The following TLN2 variants were observed in gnomAD, a reference collection of about 807,000 sequenced individuals.
The protein encoded by TLN2 is talin-2.
Under a neutral mutation model 294.7 loss-of-function variants are expected in TLN2, and 118 were observed. The observed-to-expected ratio is 0.40, with a 90% CI of 0.34 to 0.47. The LOEUF (loss-of-function observed/expected upper bound fraction) is 0.47, where lower values mean the gene tolerates loss of function less well. Ranked by LOEUF, TLN2 falls within the 20% of genes least tolerant of loss-of-function variation. The pLI, the probability that TLN2 is intolerant of heterozygous loss-of-function variation, is 0.84. For synonymous variants in TLN2, 1,431 were observed against 1,304.5 expected, an observed-to-expected ratio of 1.10 and a Z score of -2.09; for missense variants, 3,083 against 3,282.2, an observed-to-expected ratio of 0.94 and a Z score of 1.48.
chr15:62,789,125 G>C (rs2064901351), intron 45 of TLN2, among the ~76,000 whole-genome samples: 1 of 152,164 alleles, frequency 6.6e-6, no homozygotes, highest in Non-Finnish European at 1.5e-5. Flanking sequence ...GCCTGTTTCA[G>C]CTTGTCCTTG....
chr15:62,486,015 TA>T (rs34488115), intron 1 of TLN2, among the ~76,000 whole-genome samples: 19,307 of 150,678 alleles, frequency 0.13, 1,615 homozygotes, highest in African/African-American at 0.23. Flanking sequence ...AGAAAAGTTG[TA>T]AAAAAAAAAT....
chr15:62,740,486 G>C lies in TLN2; in HGVS notation c.3886-144G>C, dbSNP rs1302035322. Reference sequence around the variant, plus strand: ...TAGACACTGGTCAGTGTCTCAACGAGTTAGGCATCTGCGGGCTAACTGGGT... The same window carrying C: ...TAGACACTGGTCAGTGTCTCAACGACTTAGGCATCTGCGGGCTAACTGGGT... On this transcript the variant is annotated intron_variant, in intron 31 of 58. Coordinates refer to ENST00000636159, the MANE Select transcript of TLN2 (RefSeq NM_015059.3). 8.0e-6 allele frequency: 8 copies of C among 999,550 alleles called. No homozygotes were observed. The Admixed American group carries it at 1.3e-4, about 16-fold the overall frequency. 61.9% of individuals were successfully genotyped at this position (999,550 alleles called of 1,614,324 possible).
At chr15:62,465,229 T>G (rs1203894973) in intron 1 of TLN2, among the ~76,000 whole-genome samples, 3 of 151,586 alleles carry the variant, frequency 2.0e-5, no homozygotes, top group Non-Finnish European at 4.4e-5. Flanking sequence ...AAGATTCCTC[T>G]GGTTCTCTCT....
intron 41 of TLN2, among the ~76,000 whole-genome samples, chr15:62,766,863 T>C (rs772516392): frequency 1.3e-5 from 2 of 152,200 alleles, no homozygotes; most frequent in Non-Finnish European, 2.9e-5. Context: ...TTAGACATAA[T>C]GAGGCAAAGC....
chr15:62,409,431 G>T (rs2140250588), intron 1 of TLN2, among the ~76,000 whole-genome samples: 1 of 152,190 alleles, frequency 6.6e-6, no homozygotes, highest in East Asian at 1.9e-4. Context: ...TTTTTTTCTG[G>T]CTGTTGCAGG....
chr15:62,436,698 G>T (rs957947648), intron 1 of TLN2, among the ~76,000 whole-genome samples: 1 of 152,154 alleles, frequency 6.6e-6, no homozygotes, highest in African/African-American at 2.4e-5. Flanking sequence ...TTGGTTATTT[G>T]CTCCATGATT....
chr15:62,536,001 A>T (rs372260873), intron 1 of TLN2, among the ~76,000 whole-genome samples: 8 of 152,302 alleles, frequency 5.3e-5, no homozygotes, highest in East Asian at 3.9e-4. Flanking sequence ...GTACTTTTGG[A>T]GTTTTGCTCC....
intron 1 of TLN2, among the ~76,000 whole-genome samples, chr15:62,487,521 T>C (rs1382276093): frequency 3.9e-5 from 6 of 152,156 alleles, no homozygotes; most frequent in Admixed American, 3.9e-4. Context: ...AGACCTATTG[T>C]TCCCACTTGT....
chr15:62,701,888 C>G, intron 17 of TLN2, 104 bp from the exon 18 acceptor site: 2 of 1,307,488 alleles, frequency 1.5e-6, no homozygotes, highest in Non-Finnish European at 2.1e-6. Flanking sequence ...GTGTCTGACT[C>G]CTGCAGGATG....
intron 54 of TLN2, chr15:62,830,721 G>A (rs1483269879): frequency 6.6e-6 from 1 of 152,138 alleles, no homozygotes; most frequent in Non-Finnish European, 1.5e-5. Flanking sequence ...CATAAACCTG[G>A]CATACAGGAA....
At chr15:62,699,540 G>A (rs928271672) in intron 16 of TLN2, among the ~76,000 whole-genome samples, 1 of 152,156 alleles carries the variant, frequency 6.6e-6, no homozygotes, top group African/African-American at 2.4e-5. Context: ...TTAACCCAGA[G>A]ATCTTCCTGT....
At chr15:62,811,603 C>A (rs931481778) in intron 52 of TLN2, among the ~76,000 whole-genome samples, 1 of 152,126 alleles carries the variant, frequency 6.6e-6, no homozygotes, top group Non-Finnish European at 1.5e-5. Flanking sequence ...GCTACATGGC[C>A]ACTGTGTTAT....
chr15:62,790,956 G>C (rs907614033), intron 45 of TLN2, among the ~76,000 whole-genome samples: 2 of 152,340 alleles, frequency 1.3e-5, no homozygotes, highest in South Asian at 4.1e-4. Context: ...TAGTCAACAA[G>C]ACAGCCCTGC....
Position 62,748,345 on chromosome 15 carries a change from T to C in TLN2, c.4026-6T>C. The C allele has an allele frequency of 1.2e-6, 2 of 1,600,932 alleles. No homozygotes were observed. Among genetic ancestry groups the C allele is most frequent in the Non-Finnish European group, 1.7e-6 (2 of 1,175,288 alleles). ...AAAAAAAAAAAAAATTCTGTTTCTG[T>C]CACAGAGCTGTGACAGAGAGCATCA... On this transcript the variant is annotated splice_polypyrimidine_tract_variant and splice_region_variant and intron_variant, in intron 32 of 58. Coordinates refer to ENST00000636159, the MANE Select transcript of TLN2 (RefSeq NM_015059.3).
intron 1 of TLN2, among the ~76,000 whole-genome samples, chr15:62,529,125 G>T (rs2040896730): frequency 1.3e-5 from 2 of 150,836 alleles, no homozygotes; most frequent in South Asian, 4.2e-4. Flanking sequence ...TGACAGCTTT[G>T]CTCTGTTGCC....
chr15:62,739,649 C>T, intron 31 of TLN2, 104 bp downstream of exon 31: 2 of 1,379,878 alleles, frequency 1.4e-6, no homozygotes, highest in Non-Finnish European at 1.0e-6. Context: ...AACCTGGAAA[C>T]AGGCAGGCCA....
chr15:62,750,309 T>G, intron 33 of TLN2, 93 bp from the exon 34 acceptor site: 1 of 997,822 alleles, frequency 1.0e-6, no homozygotes, highest in Non-Finnish European at 1.6e-6. Flanking sequence ...GAAACTTGTG[T>G]ATGGAGGGAG....
chr15:62,757,188 C>G (rs2141010675), intron 37 of TLN2, among the ~76,000 whole-genome samples: 1 of 152,330 alleles, frequency 6.6e-6, no homozygotes, highest in African/African-American at 2.4e-5. Context: ...ACCAAGGTGA[C>G]CCAGCCAGGA....
At chr15:62,624,551 T>C (rs1357573542) in intron 3 of TLN2, among the ~76,000 whole-genome samples, 1 of 152,196 alleles carries the variant, frequency 6.6e-6, no homozygotes, top group Admixed American at 6.5e-5. Flanking sequence ...GATTTTCTCT[T>C]TTAGGTGCAG....
Sources: gnomAD v4.1 joint callset for allele counts (sites outside exome capture counted in the v4.1 genomes callset) on GRCh38, gnomAD v4.1.1 for gene constraint, MANE v1.5 for transcripts, NCBI Gene and HGNC (gene_info 2026-07-23, HGNC 2026-07-21) for gene names.